The following MTMR9 variants were observed in gnomAD, a reference collection of about 807,000 sequenced individuals.
The protein encoded by MTMR9 is myotubularin-related protein 9.
MTMR9 carries 39 observed loss-of-function variants against 69.5 expected under a neutral mutation model. The ratio of observed to expected loss-of-function variants is 0.56; its 90% CI spans 0.43 to 0.73. The LOEUF is 0.73. MTMR9 is among the 30% of genes least tolerant of loss of function. The pLI, the probability that MTMR9 is intolerant of heterozygous loss-of-function variation, is 0.00. For synonymous variants in MTMR9, 354 were observed against 240.8 expected (o/e 1.47, Z -4.35); for missense variants, 900 against 671.2 (o/e 1.34, Z -3.77).
intron 6 of MTMR9, 46 bp from the exon 7 acceptor site, chr8:11,314,877 A>G (rs370674110): frequency 4.4e-6 from 7 of 1,593,242 alleles, no homozygotes; most frequent in Non-Finnish European, 4.3e-6. Context: ...TTCATTGACC[A>G]TGTTGGACAT....
intron 2 of MTMR9, chr8:11,297,830 C>T (rs1799613615): frequency 4.4e-6 from 2 of 454,876 alleles, no homozygotes; most frequent in Non-Finnish European, 8.8e-6. Flanking sequence ...AAAATGAATG[C>T]TCTGTTAAAT....
intron 6 of MTMR9, among the ~76,000 whole-genome samples, chr8:11,311,364 A>G (rs1425710797): frequency 2.0e-5 from 3 of 152,228 alleles, no homozygotes; most frequent in Non-Finnish European, 4.4e-5. Context: ...ATTGCAGTTC[A>G]TCACTTAATA....
intron 5 of MTMR9, among the ~76,000 whole-genome samples, chr8:11,306,682 TATC>T (rs757761773): frequency 3.5e-4 from 53 of 152,336 alleles, no homozygotes; most frequent in Non-Finnish European, 6.6e-4. Flanking sequence ...GTCGCATAGT[TATC>T]ATTTTTTTGG....
downstream of MTMR9, chr8:11,331,840 T>G: frequency 1.2e-6 from 2 of 1,611,980 alleles, no homozygotes; most frequent in Non-Finnish European, 1.7e-6. Context: ...CAGACCCCCG[T>G]GTTGCCCAGT....
chr8:11,307,339 T>A (rs1026182180), intron 5 of MTMR9, among the ~76,000 whole-genome samples: 1 of 152,216 alleles, frequency 6.6e-6, no homozygotes, highest in African/African-American at 2.4e-5. Context: ...CTCAAAGTGT[T>A]GAAATTACAG....
intron 2 of MTMR9, among the ~76,000 whole-genome samples, chr8:11,299,454 A>G (rs965043032): frequency 7.9e-5 from 12 of 152,326 alleles, no homozygotes; most frequent in African/African-American, 2.6e-4. Context: ...CCCATTTTAC[A>G]GTTGAGGAAA....
At chr8:11,302,406 C>T (rs923906615) in intron 3 of MTMR9, among the ~76,000 whole-genome samples, 2 of 150,554 alleles carry the variant, frequency 1.3e-5, no homozygotes, top group African/African-American at 4.9e-5. Context: ...AAATACCATA[C>T]AAGATAATAA....
At position 11,297,494 on chromosome 8, in the gene MTMR9, A is replaced by T. The variant is rs114706872; in HGVS notation, c.291+2192A>T. Among the ~76,000 whole-genome samples the T allele has an allele frequency of 4.3e-3, 651 of 150,366 alleles. 5 individuals are homozygous for T. Among genetic ancestry groups the T allele is most frequent in the African/African-American group, 0.015 (630 of 40,970 alleles). On this transcript the variant is annotated intron_variant, in intron 2 of 9. Coordinates refer to ENST00000221086, the MANE Select transcript of MTMR9 (RefSeq NM_015458.4). ...GCATTTGGGCAGAGGAACATTACCC[A>T]CTTCCATTGAGCATGTATGTGTTTG...
chr8:11,313,285 C>G (rs759390181), intron 6 of MTMR9, among the ~76,000 whole-genome samples: 12 of 152,224 alleles, frequency 7.9e-5, no homozygotes, highest in Non-Finnish European at 1.6e-4. Context: ...AGGCCTTCCT[C>G]TGGATTAGGC....
intron 1 of MTMR9, chr8:11,294,634 T>A (rs1799485244): frequency 6.6e-6 from 1 of 151,620 alleles, no homozygotes; most frequent in African/African-American, 2.4e-5. Context: ...CCTGAGTAGC[T>A]GCATGCCACC....
At position 11,309,545 on chromosome 8, in the gene MTMR9, G is replaced by C; in HGVS notation, c.828G>C (p.Glu276Asp). 1 of 1,613,226 alleles carries C rather than the reference G, an allele frequency of 6.2e-7. No individual in the cohort carries two copies. Among genetic ancestry groups the C allele is most frequent in the Non-Finnish European group, 8.5e-7 (1 of 1,179,542 alleles). ...KSIERYHILQ[E>D]SLIKLVEACN... Reference sequence around the variant, plus strand: ...TTAAAAGGTATCACATTCTTCAGGAGAGCTTAATCAAACTTGTGGAAGCTT... The same window carrying C: ...TTAAAAGGTATCACATTCTTCAGGACAGCTTAATCAAACTTGTGGAAGCTT... The change falls in exon 6 of 10, where the codon GAG (glutamate) becomes GAC (aspartate). Residue 276 changes from glutamate to aspartate, a missense_variant. Glu to Asp is a conservative substitution (Grantham distance 45, BLOSUM62 2). Transcript: ENST00000221086.
chr8:11,331,749 T>A (rs569547201), downstream of MTMR9: 2 of 1,611,926 alleles, frequency 1.2e-6, no homozygotes, highest in East Asian at 4.5e-5. Context: ...TTCTCTGCAC[T>A]TTCCCTCCTG....
intron 7 of MTMR9, chr8:11,316,396 T>A: frequency 3.8e-6 from 1 of 266,082 alleles, no homozygotes; most frequent in Admixed American, 5.0e-5. Context: ...CTTAAGTTCA[T>A]TATTCTTCCA....
chr8:11,306,440 T>A, intron 5 of MTMR9, 33 bp downstream of exon 5: 2 of 1,589,716 alleles, frequency 1.3e-6, no homozygotes, highest in Non-Finnish European at 8.6e-7. Flanking sequence ...CAGACTCTTA[T>A]TAGAAGCTAA....
intron 1 of MTMR9, among the ~76,000 whole-genome samples, chr8:11,288,342 A>G (rs1002115704): frequency 7.1e-6 from 1 of 140,492 alleles, no homozygotes; most frequent in South Asian, 2.1e-4. Context: ...AATATATAAT[A>G]TATTTATATA....
rs964698567 is a variant in MTMR9, at chr8:11,314,828, T to G, written c.972-95T>G. ...ACTAAATAAACTGAACTCAGTAGAC[T>G]AAAATGTTGTGCTCAATAAACGCTT... is the stretch of plus-strand genomic sequence containing the variant. On this transcript the variant is annotated intron_variant, in intron 6 of 9. Transcript: ENST00000221086. 18 of 1,236,122 alleles carry G rather than the reference T, an allele frequency of 1.5e-5. No homozygotes were observed. The African/African-American group carries it at 2.7e-4, about 18-fold the overall frequency. 76.6% of individuals were successfully genotyped at this position (1,236,122 alleles called of 1,614,324 possible). A position where few individuals can be genotyped will look rare whatever the true frequency, so the allele number is the denominator to read the frequency against.
intron 3 of MTMR9, chr8:11,300,351 G>T: frequency 2.4e-6 from 1 of 411,608 alleles, no homozygotes; most frequent in African/African-American, 2.1e-5. Context: ...GTAATACTAA[G>T]ATATCTAGGA....
At chr8:11,287,910 A>G (rs1799234711) in intron 1 of MTMR9, among the ~76,000 whole-genome samples, 1 of 127,826 alleles carries the variant, frequency 7.8e-6, no homozygotes, top group East Asian at 2.1e-4. Context: ...ATATAACATA[A>G]TATGTATTAT....
chr8:11,332,321 A>C, downstream of MTMR9: 294 of 889,926 alleles, frequency 3.3e-4, no homozygotes, highest in Middle Eastern at 7.4e-4. Context: ...ACAAATGAGA[A>C]ATCTGGCTTA....
Sources: allele counts gnomAD v4.1 joint callset (sites outside exome capture counted in the v4.1 genomes callset), GRCh38; gene constraint gnomAD v4.1.1; transcripts MANE v1.5; gene names NCBI Gene and HGNC (gene_info 2026-07-23, HGNC 2026-07-21).